CCDC148: variants seen among roughly 807,000 people sequenced by gnomAD.
CCDC148 encodes coiled-coil domain containing 148, also known as coiled-coil domain-containing protein 148.
CCDC148 carries 89 observed loss-of-function variants against 85.7 expected under a neutral mutation model. That is an observed-to-expected ratio of 1.04 (90% CI 0.87 to 1.24). The LOEUF (loss-of-function observed/expected upper bound fraction) is 1.24, where lower values mean the gene tolerates loss of function less well. Ranked by LOEUF, CCDC148 falls within the 50% of genes most tolerant of loss-of-function variation. The pLI, the probability that CCDC148 is intolerant of heterozygous loss-of-function variation, is 0.00. For synonymous variants in CCDC148, 230 were observed against 213.9 expected, an observed-to-expected ratio of 1.08 and a Z score of -0.66; for missense variants, 692 against 671.7, an observed-to-expected ratio of 1.03 and a Z score of -0.33.
At chr2:158,454,692 G>A (rs1435284639) in intron 1 of CCDC148, among the ~76,000 whole-genome samples, 1 of 152,218 alleles carries the variant, frequency 6.6e-6, no homozygotes, top group East Asian at 1.9e-4. Context: ...CTCCTGATGA[G>A]GAAAGGAACT....
chr2:158,444,312 T>C (rs904386861), intron 1 of CCDC148, among the ~76,000 whole-genome samples: 1 of 152,136 alleles, frequency 6.6e-6, no homozygotes, highest in African/African-American at 2.4e-5. Context: ...CTGAGAGTTA[T>C]TGGGCCAGTA....
At chr2:158,440,388 A>G (rs570802882) in intron 1 of CCDC148, among the ~76,000 whole-genome samples, 1 of 152,270 alleles carries the variant, frequency 6.6e-6, no homozygotes, top group African/African-American at 2.4e-5. Context: ...ATATACATAC[A>G]TTACTCATAA....
intron 11 of CCDC148, among the ~76,000 whole-genome samples, chr2:158,202,403 A>G (rs571951230): frequency 6.6e-6 from 1 of 152,332 alleles, no homozygotes; most frequent in Admixed American, 6.5e-5. Flanking sequence ...TAGAATGTCA[A>G]GTTTTCTCAG....
In CCDC148 at chr2:158,309,491, C is replaced by G. The variant is rs544448962; in HGVS notation, c.1052G>C (p.Ser351Thr). The change falls in exon 9 of 14, where the codon AGC becomes ACC. Residue 351 changes from serine (S) to threonine (T), a missense_variant. Ser to Thr is a moderately conservative substitution (Grantham distance 58). Transcript: ENST00000283233. ...TEACATHEME[S>T]MLAKDKKKQQ... ...CTTTTTCTTGTCCTTAGCCAACATG[C>G]TCTCCATTTCATGTGTTGCACAAGC... 6.2e-7 allele frequency: 1 copy of G among 1,614,172 alleles called. No individual in the cohort carries two copies. Among genetic ancestry groups the G allele is most frequent in the Non-Finnish European group, 8.5e-7 (1 of 1,180,016 alleles).
chr2:158,262,127 A>G (rs958340162), intron 9 of CCDC148, among the ~76,000 whole-genome samples: 2 of 152,116 alleles, frequency 1.3e-5, no homozygotes, highest in African/African-American at 4.8e-5. Context: ...CCTACCAATG[A>G]CAGATTAGAT....
chr2:158,427,413 T>C (rs893825032), intron 1 of CCDC148, among the ~76,000 whole-genome samples: 2 of 152,152 alleles, frequency 1.3e-5, no homozygotes, highest in Non-Finnish European at 1.5e-5. Flanking sequence ...TATACAATTA[T>C]AAACAAAGTA....
At chr2:158,412,977 T>G (rs954344539) in intron 1 of CCDC148, among the ~76,000 whole-genome samples, 2 of 151,698 alleles carry the variant, frequency 1.3e-5, no homozygotes, top group African/African-American at 4.8e-5. Context: ...GCATTAGGTA[T>G]ATCTCCTAAT....
At chr2:158,374,780 G>T (rs1214403730) in intron 1 of CCDC148, among the ~76,000 whole-genome samples, 1 of 151,806 alleles carries the variant, frequency 6.6e-6, no homozygotes, top group Non-Finnish European at 1.5e-5. Context: ...TCATCTCTCA[G>T]TATCTGCAGG....
intron 11 of CCDC148, among the ~76,000 whole-genome samples, chr2:158,205,630 T>C (rs1424167261): frequency 6.9e-6 from 1 of 145,318 alleles, no homozygotes; most frequent in African/African-American, 2.5e-5. Context: ...AATACAGATT[T>C]TCTTACTCCA....
At chr2:158,315,405 C>A (rs1692230208) in intron 7 of CCDC148, among the ~76,000 whole-genome samples, 1 of 152,118 alleles carries the variant, frequency 6.6e-6, no homozygotes, top group Non-Finnish European at 1.5e-5. Context: ...CATTACCATA[C>A]CACAAGCAAC....
At chr2:158,396,322 A>AT (rs1008415150) in intron 1 of CCDC148, among the ~76,000 whole-genome samples, 10 of 152,066 alleles carry the variant, frequency 6.6e-5, no homozygotes, top group African/African-American at 2.2e-4. Context: ...AGTAGCTGTC[A>AT]TTTTTTTAGA....
intron 7 of CCDC148, among the ~76,000 whole-genome samples, chr2:158,322,947 T>C (rs1574619692): frequency 6.6e-6 from 1 of 152,154 alleles, no homozygotes; most frequent in East Asian, 1.9e-4. Flanking sequence ...ACTTCATATC[T>C]GACATAGCTA....
chr2:158,395,848 T>C (rs1167571798), intron 1 of CCDC148, among the ~76,000 whole-genome samples: 3 of 152,158 alleles, frequency 2.0e-5, no homozygotes, highest in African/African-American at 4.8e-5. Flanking sequence ...AGGAATGTTA[T>C]GGGAATTAAA....
At chr2:158,256,991 T>A (rs2105147846) in intron 9 of CCDC148, among the ~76,000 whole-genome samples, 1 of 151,902 alleles carries the variant, frequency 6.6e-6, no homozygotes, top group East Asian at 1.9e-4. Context: ...TCAGTAAGGG[T>A]TCAATAAGTA....
chr2:158,202,011 G>C (rs1269672739), intron 11 of CCDC148, among the ~76,000 whole-genome samples: 1 of 152,182 alleles, frequency 6.6e-6, no homozygotes, highest in African/African-American at 2.4e-5. Flanking sequence ...AAGGTAGAGA[G>C]AGAGAGTAGA....
At chr2:158,294,446 G>T (rs1461228650) in intron 9 of CCDC148, among the ~76,000 whole-genome samples, 2 of 152,168 alleles carry the variant, frequency 1.3e-5, no homozygotes, top group African/African-American at 4.8e-5. Flanking sequence ...AAACACCCAT[G>T]AGTAGGATTG....
chr2:158,244,516 C>T (rs1157124148), intron 10 of CCDC148, among the ~76,000 whole-genome samples: 1 of 152,128 alleles, frequency 6.6e-6, no homozygotes. Flanking sequence ...GGTCCCATTT[C>T]CTTGCTGGCC....
Position 158,456,572 on chromosome 2 carries a change from C to T in CCDC148, c.-133G>A, listed in dbSNP as rs1050064866. On this transcript the variant is annotated 5_prime_UTR_variant, in exon 1 of 14. Transcript: ENST00000283233. ...CCTACCTTTGACGCCAGGGACAAAC[C>T]CTACCAGGCACAGTTGGGATTGGCA... The T allele has an allele frequency of 9.7e-6, 11 of 1,135,726 alleles. No individual in the cohort carries two copies. Among genetic ancestry groups the T allele is most frequent in the African/African-American group, 1.6e-5 (1 of 63,368 alleles). 70.4% of individuals were successfully genotyped at this position (1,135,726 alleles called of 1,614,324 possible). A position where few individuals can be genotyped will look rare whatever the true frequency, so the allele number is the denominator to read the frequency against.
chr2:158,437,962 A>G (rs1428943448), intron 1 of CCDC148, among the ~76,000 whole-genome samples: 3 of 152,230 alleles, frequency 2.0e-5, no homozygotes, highest in South Asian at 2.1e-4. Context: ...CCACTGCTCA[A>G]TGAAATAAAA....
Sources: gnomAD v4.1 joint callset for allele counts (sites outside exome capture counted in the v4.1 genomes callset) on GRCh38, gnomAD v4.1.1 for gene constraint, MANE v1.5 for transcripts, NCBI Gene and HGNC (gene_info 2026-07-23, HGNC 2026-07-21) for gene names.